Variants in CCDC80 observed in about 807,000 individuals in gnomAD.
CCDC80 encodes the protein coiled-coil domain containing 80.
Under a neutral mutation model 78.7 loss-of-function variants are expected in CCDC80, and 49 were observed. That is an observed-to-expected ratio of 0.62 (90% CI 0.50 to 0.79). The LOEUF (loss-of-function observed/expected upper bound fraction) is 0.79, where lower values mean the gene tolerates loss of function less well. Among genes scored for constraint, CCDC80 ranks in the 30% least tolerant of loss-of-function variants. CCDC80 has a pLI of 0.00. For missense variants in CCDC80, 1,205 were observed against 1,198.6 expected, an observed-to-expected ratio of 1.01 and a Z score of -0.08; for synonymous variants, 488 against 447.0, an observed-to-expected ratio of 1.09 and a Z score of -1.16.
At position 112,638,607 on chromosome 3, in the gene CCDC80, G is replaced by T. The variant is rs1936264114; in HGVS notation, c.1299C>A (p.Pro433=). The change falls in exon 2 of 8, where the codon CCC becomes CCA. Residue 433 remains proline (P), a synonymous_variant. Coordinates refer to ENST00000206423, the MANE Select transcript of CCDC80 (RefSeq NM_199511.3). ...HRERPQTTRR[P]SKATSLESFT... ...AGCTCTCCAAGCTGGTGGCCTTGCT[G>T]GGCCTCCTGGTTGTCTGTGGCCTCT... 1 of 1,614,034 alleles carries T rather than the reference G, an allele frequency of 6.2e-7. No homozygotes were observed. Among genetic ancestry groups the T allele is most frequent in the Admixed American group, 1.7e-5 (1 of 60,020 alleles).
chr3:112,638,579 T>C lies in CCDC80; in HGVS notation c.1327A>G (p.Thr443Ala). ...PSKATSLESF[T>A]NAPPTTISEP... ...GAGATGGTGGTGGGAGGGGCATTTG[T>C]GAAGCTCTCCAAGCTGGTGGCCTTG... The change falls in exon 2 of 8, where the codon ACA becomes GCA. Residue 443 changes from threonine to alanine, a missense_variant. Thr to Ala is a moderately conservative substitution (Grantham distance 58). Transcript: ENST00000206423. 1 of 1,614,060 alleles carries C rather than the reference T, an allele frequency of 6.2e-7. No homozygotes were observed. The highest frequency in any genetic ancestry group is 8.5e-7 in the Non-Finnish European group (1 of 1,180,020).
chr3:112,630,786 C>T (rs544444818), intron 2 of CCDC80, among the ~76,000 whole-genome samples: 88 of 152,286 alleles, frequency 5.8e-4, no homozygotes, highest in African/African-American at 2.0e-3. Context: ...TATTAGAAAA[C>T]CTTGCAGAAA....
At chr3:112,614,418 C>T (rs984789310) in intron 5 of CCDC80, among the ~76,000 whole-genome samples, 3 of 151,926 alleles carry the variant, frequency 2.0e-5, no homozygotes, top group Non-Finnish European at 4.4e-5. Context: ...AGAAAAGCAC[C>T]TCAAGAGCAA....
rs768029382 is a variant in CCDC80, at chr3:112,639,098, C to T, written c.808G>A (p.Glu270Lys). The change falls in exon 2 of 8, where the codon GAG becomes AAG. Residue 270 changes from glutamate (E) to lysine (K), a missense_variant. Coordinates refer to ENST00000206423, the MANE Select transcript of CCDC80 (RefSeq NM_199511.3). ...VIDQGPIRRI[E>K]KIRQKGFVQK... ...ACAAAGCCCTTCTGCCTGATCTTCT[C>T]GATCCTACGGATGGGGCCTTGGTCG... 6.2e-7 allele frequency: 1 copy of T among 1,614,006 alleles called. No individual in the cohort carries two copies.
intron 3 of CCDC80, among the ~76,000 whole-genome samples, chr3:112,628,009 T>C (rs1936013461): frequency 6.6e-6 from 1 of 152,094 alleles, no homozygotes; most frequent in Non-Finnish European, 1.5e-5. Context: ...AGGTGGAAGA[T>C]GTAATGATTT....
chr3:112,634,837 C>T (rs1017759057), intron 2 of CCDC80, among the ~76,000 whole-genome samples: 1 of 152,164 alleles, frequency 6.6e-6, no homozygotes, highest in Non-Finnish European at 1.5e-5. Flanking sequence ...GAGTTTTCAA[C>T]TCAAACAGAT....
At chr3:112,617,657 A>G (rs1009260444) in intron 4 of CCDC80, among the ~76,000 whole-genome samples, 1 of 152,266 alleles carries the variant, frequency 6.6e-6, no homozygotes, top group African/African-American at 2.4e-5. Flanking sequence ...CCAGATCCAG[A>G]AATATGTTGC....
intron 5 of CCDC80, among the ~76,000 whole-genome samples, chr3:112,611,470 A>G (rs1935627177): frequency 6.6e-6 from 1 of 152,186 alleles, no homozygotes; most frequent in South Asian, 2.1e-4. Context: ...CCAACGCAAT[A>G]TGGTTCTTCA....
intron 5 of CCDC80, among the ~76,000 whole-genome samples, chr3:112,616,445 A>G (rs908656754): frequency 4.7e-5 from 4 of 84,524 alleles, no homozygotes; most frequent in Admixed American, 2.2e-4. Flanking sequence ...AAAAAAAAAG[A>G]AAAGAAAAAA....
chr3:112,631,399 C>T (rs910172839), intron 2 of CCDC80, among the ~76,000 whole-genome samples: 2 of 152,146 alleles, frequency 1.3e-5, no homozygotes, highest in Non-Finnish European at 2.9e-5. Flanking sequence ...AATAGATCAC[C>T]AGGCTGATGT....
In CCDC80 at chr3:112,602,281, CCTT is replaced by C. The variant is rs1412632903; in HGVS notation, c.*3133_*3135del. On this transcript the variant is annotated 3_prime_UTR_variant, in exon 8 of 8. Coordinates refer to ENST00000206423, the MANE Select transcript of CCDC80 (RefSeq NM_199511.3). ...CAACCAACCTTTCTCCAATCTTTCTCCTTCTTCTCAGGCCTCCTTAGTCCCTGA... is the reference window on the plus strand; with the variant it reads ...CAACCAACCTTTCTCCAATCTTTCTCCTTCTCAGGCCTCCTTAGTCCCTGA... The C allele has an allele frequency of 9.8e-4, 149 of 152,318 alleles. No homozygotes were observed. Among genetic ancestry groups the C allele is most frequent in the African/African-American group, 3.4e-3 (141 of 41,570 alleles). 9.4% of individuals were successfully genotyped at this position (152,318 alleles called of 1,614,324 possible).
In CCDC80 at chr3:112,605,327, T is replaced by C. The variant is rs141112542; in HGVS notation, c.*90A>G. ...CACTGAAAGAAAAAGGCAGGAAATG[T>C]AGTACGCAGTGTGGAAGAATGGAGC... On this transcript the variant is annotated 3_prime_UTR_variant, in exon 8 of 8. Transcript: ENST00000206423. The C allele has an allele frequency of 6.4e-4, 518 of 811,166 alleles. 8 individuals carry two copies. The East Asian group carries it at 0.013, about 20-fold the overall frequency. The allele number at this position is 811,166 out of a possible 1,614,324, so 50.2% of individuals were successfully genotyped here. A position where few individuals can be genotyped will look rare whatever the true frequency, so the allele number is the denominator to read the frequency against.
Position 112,639,382 on chromosome 3 carries a change from A to G in CCDC80, c.524T>C (p.Val175Ala), listed in dbSNP as rs530232893. The change falls in exon 2 of 8, where the codon GTG (valine) becomes GCG (alanine). Residue 175 changes from valine to alanine, a missense_variant. By Grantham distance (64) the Val-to-Ala change is moderately conservative (BLOSUM62 0). Coordinates refer to ENST00000206423, the MANE Select transcript of CCDC80 (RefSeq NM_199511.3). ...RLMMSLLKDD[V>A]YCELAERHIQ... The stretch of plus-strand genomic sequence containing the variant: ...GTGCCTCTCCGCCAGCTCACAGTAC[A>G]CATCGTCCTTCAGCAGGCTCATCAT... 3 of 1,614,100 alleles carry G rather than the reference A, an allele frequency of 1.9e-6. No individual in the cohort carries two copies. Among genetic ancestry groups the G allele is most frequent in the East Asian group, 2.2e-5 (1 of 44,870 alleles).
At chr3:112,618,356 T>C (rs1389819963) in intron 4 of CCDC80, among the ~76,000 whole-genome samples, 12 of 151,988 alleles carry the variant, frequency 7.9e-5, no homozygotes, top group Non-Finnish European at 1.5e-5. Context: ...CCATCTCTAC[T>C]AAAAATACAA....
At chr3:112,607,575 A>G (rs111694485) in intron 6 of CCDC80, among the ~76,000 whole-genome samples, 1,708 of 152,260 alleles carry the variant, frequency 0.011, 23 homozygotes, top group African/African-American at 0.039. Context: ...TCACGAGGTC[A>G]GGAGATAGAG....
chr3:112,638,006 T>C, intron 2 of CCDC80, 22 bp downstream of exon 2: 1 of 1,574,578 alleles, frequency 6.4e-7, no homozygotes, highest in Non-Finnish European at 8.6e-7. Context: ...CATAGAAGAA[T>C]GCCAAGGAGA....
intron 3 of CCDC80, among the ~76,000 whole-genome samples, chr3:112,623,945 C>T (rs945774442): frequency 6.6e-6 from 1 of 152,144 alleles, no homozygotes; most frequent in African/African-American, 2.4e-5. Context: ...CTGTCTTCCC[C>T]CTAGATATGA....
intron 3 of CCDC80, among the ~76,000 whole-genome samples, chr3:112,628,950 C>A (rs1334992964): frequency 6.6e-6 from 1 of 152,106 alleles, no homozygotes; most frequent in East Asian, 1.9e-4. Flanking sequence ...CTGTATTGTG[C>A]ACTTAAAAAT....
At chr3:112,606,910 A>G (rs1935524050) in intron 7 of CCDC80, among the ~76,000 whole-genome samples, 1 of 152,166 alleles carries the variant, frequency 6.6e-6, no homozygotes, top group Non-Finnish European at 1.5e-5. Context: ...ACCCCCAAAA[A>G]GCATTATTTT....
Sources: gnomAD v4.1 joint callset for allele counts (sites outside exome capture counted in the v4.1 genomes callset) on GRCh38, gnomAD v4.1.1 for gene constraint, MANE v1.5 for transcripts, NCBI Gene and HGNC (gene_info 2026-07-23, HGNC 2026-07-21) for gene names.